Variants in C12orf50 observed in about 807,000 individuals in gnomAD.
The protein encoded by C12orf50 is zinc finger CCCH-type containing 11D, also known as uncharacterized protein C12orf50.
In C12orf50, 35 loss-of-function variants were observed where a neutral mutation model predicts 61.6. The ratio of observed to expected loss-of-function variants is 0.57; its 90% CI spans 0.43 to 0.75. The LOEUF is 0.75. Ranked by LOEUF, C12orf50 falls within the 30% of genes least tolerant of loss-of-function variation. C12orf50 has a pLI of 0.00. For synonymous variants in C12orf50, 178 were observed against 161.5 expected (o/e 1.10, Z -0.77); for missense variants, 475 against 488.5 (o/e 0.97, Z 0.26).
intron 3 of C12orf50, among the ~76,000 whole-genome samples, chr12:88,014,130 A>C (rs1385298476): frequency 6.6e-6 from 1 of 152,172 alleles, no homozygotes; most frequent in Non-Finnish European, 1.5e-5. Flanking sequence ...AAAAACTTTA[A>C]TAGCTTTGAA....
intron 1 of C12orf50, chr12:88,029,095 T>G (rs1250176425): frequency 1.6e-6 from 2 of 1,286,824 alleles, no homozygotes; most frequent in Non-Finnish European, 2.0e-6. Context: ...AAAAAAGAAA[T>G]AGCAGTCATT....
At chr12:88,013,818 G>A (rs990032832) in intron 3 of C12orf50, among the ~76,000 whole-genome samples, 2 of 152,146 alleles carry the variant, frequency 1.3e-5, no homozygotes, top group Admixed American at 6.6e-5. Context: ...AGTTTAATTG[G>A]TGGTTTAGGT....
At chr12:88,018,628 T>C (rs538041532) in intron 3 of C12orf50, among the ~76,000 whole-genome samples, 40 of 152,292 alleles carry the variant, frequency 2.6e-4, no homozygotes, top group South Asian at 2.5e-3. Flanking sequence ...CCACAGACAC[T>C]TAACACCAGC....
At chr12:87,994,060 T>C (rs2031262504) in intron 7 of C12orf50, among the ~76,000 whole-genome samples, 1 of 151,736 alleles carries the variant, frequency 6.6e-6, no homozygotes, top group Admixed American at 6.6e-5. Flanking sequence ...ATTAGCCGGG[T>C]GTGGTGGCAC....
intron 7 of C12orf50, among the ~76,000 whole-genome samples, chr12:87,993,049 G>T (rs564923037): frequency 3.3e-4 from 50 of 151,930 alleles, no homozygotes; most frequent in African/African-American, 1.0e-3. Context: ...AAATCAATAA[G>T]CTTGACTATA....
intron 3 of C12orf50, among the ~76,000 whole-genome samples, chr12:88,002,753 T>C (rs2031703367): frequency 6.6e-6 from 1 of 151,702 alleles, no homozygotes; most frequent in South Asian, 2.1e-4. Context: ...TTTCTATATG[T>C]TTCATGTTCT....
intron 12 of C12orf50, among the ~76,000 whole-genome samples, chr12:87,982,218 C>G (rs990274736): frequency 6.6e-6 from 1 of 152,052 alleles, no homozygotes; most frequent in South Asian, 2.1e-4. Flanking sequence ...TTTCCCCACC[C>G]CCCAAATTCA....
chr12:87,980,475 G>T, intron 12 of C12orf50, 119 bp from the exon 13 acceptor site: 3 of 843,736 alleles, frequency 3.6e-6, no homozygotes, highest in African/African-American at 1.7e-5. Flanking sequence ...TAATCTTACT[G>T]TTTTAACTTA....
At chr12:88,004,104 G>T (rs1415705735) in intron 3 of C12orf50, among the ~76,000 whole-genome samples, 2 of 151,260 alleles carry the variant, frequency 1.3e-5, no homozygotes, top group African/African-American at 2.5e-5. Flanking sequence ...ATTTCAATTT[G>T]TTAGGGTTTT....
At chr12:88,007,486 G>C (rs2031929035) in intron 3 of C12orf50, among the ~76,000 whole-genome samples, 1 of 152,182 alleles carries the variant, frequency 6.6e-6, no homozygotes, top group African/African-American at 2.4e-5. Flanking sequence ...GGCACTGGCA[G>C]GCTTGGTCTC....
chr12:87,991,489 G>A (rs2031118944), intron 7 of C12orf50, among the ~76,000 whole-genome samples: 1 of 152,132 alleles, frequency 6.6e-6, no homozygotes, highest in Non-Finnish European at 1.5e-5. Flanking sequence ...GAGCAGAGAG[G>A]AAGAGAATTA....
At chr12:88,025,588 A>C (rs1253647888) in intron 3 of C12orf50, among the ~76,000 whole-genome samples, 1 of 152,146 alleles carries the variant, frequency 6.6e-6, no homozygotes, top group Non-Finnish European at 1.5e-5. Flanking sequence ...CAAATACAAA[A>C]ATTAGCTGGG....
chr12:87,988,330 CT>C (rs1234041889), intron 8 of C12orf50, among the ~76,000 whole-genome samples: 1 of 152,114 alleles, frequency 6.6e-6, no homozygotes, highest in African/African-American at 2.4e-5. Context: ...CTTTAACTTG[CT>C]ATATGCTTTG....
intron 3 of C12orf50, among the ~76,000 whole-genome samples, chr12:88,018,817 G>T (rs12304316): frequency 0.081 from 12,355 of 152,196 alleles, 1,323 homozygotes; most frequent in African/African-American, 0.25. Flanking sequence ...CTTGCATAGG[G>T]CCTGTAGCCC....
At chr12:88,024,845 A>G (rs913801731) in intron 3 of C12orf50, among the ~76,000 whole-genome samples, 11 of 152,172 alleles carry the variant, frequency 7.2e-5, no homozygotes, top group African/African-American at 2.7e-4. Context: ...TTATGTCAAG[A>G]AGGAAGGGGT....
intron 1 of C12orf50, among the ~76,000 whole-genome samples, chr12:88,028,475 T>G (rs892390010): frequency 6.6e-6 from 1 of 152,192 alleles, no homozygotes; most frequent in Non-Finnish European, 1.5e-5. Flanking sequence ...CCTAATACAT[T>G]GGAGGAATTC....
upstream of C12orf50, among the ~76,000 whole-genome samples, chr12:88,029,783 C>T (rs752677149): frequency 1.3e-5 from 2 of 152,076 alleles, no homozygotes; most frequent in Non-Finnish European, 2.9e-5. Context: ...AATATGTACT[C>T]TCTACTATCC....
intron 3 of C12orf50, among the ~76,000 whole-genome samples, chr12:88,002,270 A>AT (rs1240706642): frequency 6.6e-6 from 1 of 151,758 alleles, no homozygotes; most frequent in Non-Finnish European, 1.5e-5. Flanking sequence ...CATGTGTGCT[A>AT]TTTAATTTCC....
At chr12:87,983,997 G>A (rs1026013411) in intron 11 of C12orf50, 58 of 144,670 alleles carry the variant, frequency 4.0e-4, no homozygotes, top group African/African-American at 1.4e-3. Context: ...CTAGTTTACA[G>A]TCCCACCAAC....
Sources: gnomAD v4.1 joint callset for allele counts (sites outside exome capture counted in the v4.1 genomes callset) on GRCh38, gnomAD v4.1.1 for gene constraint, MANE v1.5 for transcripts, NCBI Gene and HGNC (gene_info 2026-07-23, HGNC 2026-07-21) for gene names.